ADCYAP1R1: variants seen among roughly 807,000 people sequenced by gnomAD.
ADCYAP1R1 encodes ADCYAP receptor type I.
In ADCYAP1R1, 44 loss-of-function variants were observed where a neutral mutation model predicts 67.6. The observed-to-expected ratio is 0.65, with a 90% CI of 0.51 to 0.84. ADCYAP1R1 has a LOEUF of 0.84. Among genes scored for constraint, ADCYAP1R1 ranks in the 40% least tolerant of loss-of-function variants. The pLI is 0.00. For missense variants in ADCYAP1R1, 477 were observed against 587.9 expected (o/e 0.81, Z 1.95); for synonymous variants, 222 against 219.6 (o/e 1.01, Z -0.10).
At chr7:31,090,039 C>T (rs1795900976) in intron 12 of ADCYAP1R1, among the ~76,000 whole-genome samples, 1 of 151,694 alleles carries the variant, frequency 6.6e-6, no homozygotes, top group African/African-American at 2.4e-5. Flanking sequence ...TGAAGGTTTT[C>T]TTTTTTTTAT....
At chr7:31,059,176 C>T (rs1195119898) in intron 1 of ADCYAP1R1, among the ~76,000 whole-genome samples, 1 of 152,160 alleles carries the variant, frequency 6.6e-6, no homozygotes, top group African/African-American at 2.4e-5. Flanking sequence ...ATAGTTAACA[C>T]ATGTATAGCC....
chr7:31,058,415 G>A (rs1462875660), intron 1 of ADCYAP1R1, among the ~76,000 whole-genome samples: 1 of 152,186 alleles, frequency 6.6e-6, no homozygotes, highest in Non-Finnish European at 1.5e-5. Flanking sequence ...CTCCAGGTTC[G>A]GTGGCTGGGC....
At chr7:31,060,011 G>A (rs1794428384) in intron 1 of ADCYAP1R1, among the ~76,000 whole-genome samples, 1 of 151,756 alleles carries the variant, frequency 6.6e-6, no homozygotes, top group Non-Finnish European at 1.5e-5. Context: ...TCCAGAAGAG[G>A]CACCCTATTG....
chr7:31,094,259 G>A (rs1796092437), intron 13 of ADCYAP1R1, among the ~76,000 whole-genome samples: 1 of 152,102 alleles, frequency 6.6e-6, no homozygotes, highest in South Asian at 2.1e-4. Flanking sequence ...GCCCTGCCCT[G>A]TGGGGTGGGG....
chr7:31,063,367 G>A (rs922458179), intron 2 of ADCYAP1R1, 52 bp downstream of exon 2: 5 of 1,600,620 alleles, frequency 3.1e-6, no homozygotes, highest in South Asian at 2.2e-5. Context: ...CTGAGTCCCC[G>A]CTCCAGAGAA....
At chr7:31,090,700 T>G (rs1464736562) in intron 12 of ADCYAP1R1, among the ~76,000 whole-genome samples, 2 of 152,242 alleles carry the variant, frequency 1.3e-5, no homozygotes, top group South Asian at 2.1e-4. Flanking sequence ...GTTAATTCAC[T>G]TAGGATAATG....
chr7:31,105,056 C>G (rs1478984039), intron 15 of ADCYAP1R1, 147 bp downstream of exon 15: 1 of 825,632 alleles, frequency 1.2e-6, no homozygotes, highest in African/African-American at 1.7e-5. Flanking sequence ...GCTGGTCATA[C>G]AGCTCCTGGC....
chr7:31,105,672 C>T (rs1198472163), intron 15 of ADCYAP1R1, among the ~76,000 whole-genome samples: 4 of 152,190 alleles, frequency 2.6e-5, no homozygotes, highest in Admixed American at 2.6e-4. Flanking sequence ...AGAGATTGGG[C>T]TCTGTGATCG....
intron 1 of ADCYAP1R1, among the ~76,000 whole-genome samples, chr7:31,061,844 G>T (rs1386292365): frequency 1.3e-5 from 2 of 152,184 alleles, no homozygotes; most frequent in Non-Finnish European, 2.9e-5. Context: ...GTGGGGGGGT[G>T]TGCGAAGACT....
chr7:31,063,294 T>C lies in ADCYAP1R1; in HGVS notation c.30T>C (p.Ala10=). 7.4e-6 allele frequency: 12 copies of C among 1,614,194 alleles called. No individual in the cohort carries two copies. The highest frequency in any genetic ancestry group is 1.0e-5 in the Non-Finnish European group (12 of 1,180,010). The change falls in exon 2 of 16, where the codon GCT becomes GCC. Residue 10 remains alanine, a synonymous_variant. Transcript: ENST00000304166. The part of the protein sequence containing the change: MAGVVHVSL[A]ALLLLPMAPA... The stretch of plus-strand genomic sequence containing the variant: ...CTGGTGTCGTGCACGTTTCCCTGGC[T>C]GCTCTCCTCCTGCTGCCTATGGTAA...
At chr7:31,056,013 G>T (rs566080147) in intron 1 of ADCYAP1R1, among the ~76,000 whole-genome samples, 1 of 152,196 alleles carries the variant, frequency 6.6e-6, no homozygotes, top group Non-Finnish European at 1.5e-5. Flanking sequence ...CAGTTCCTGA[G>T]CCCCCTTCAC....
intron 1 of ADCYAP1R1, among the ~76,000 whole-genome samples, chr7:31,061,956 C>A (rs1480347731): frequency 6.6e-6 from 1 of 152,162 alleles, no homozygotes; most frequent in African/African-American, 2.4e-5. Flanking sequence ...TACTCAATCT[C>A]TTTTATAATA....
chr7:31,092,777 C>A, intron 13 of ADCYAP1R1, 42 bp downstream of exon 13: 1 of 1,485,020 alleles, frequency 6.7e-7, no homozygotes. Context: ...TTCTGACAGC[C>A]GAGCGGGCCC....
At position 31,109,413 on chromosome 7, in the gene ADCYAP1R1, C is replaced by T. The variant is rs1187657872; in HGVS notation, c.*2729C>T. 1 of 152,194 alleles carries T rather than the reference C, an allele frequency of 6.6e-6. No homozygotes were observed. The highest frequency in any genetic ancestry group is 2.4e-5 in the African/African-American group (1 of 41,440). 9.4% of individuals were successfully genotyped at this position (152,194 alleles called of 1,614,324 possible). On this transcript the variant is annotated 3_prime_UTR_variant, in exon 16 of 16. Transcript: ENST00000304166. ...TATATAGCCCAATGCATCTCTGGAACTCTGTCTAAACACCAGCCATCTACT... is the reference window on the plus strand; with the variant it reads ...TATATAGCCCAATGCATCTCTGGAATTCTGTCTAAACACCAGCCATCTACT...
At chr7:31,100,342 C>G in intron 13 of ADCYAP1R1, 1 of 556,000 alleles carries the variant, frequency 1.8e-6, no homozygotes, top group South Asian at 1.7e-5. Context: ...CCGGCTGTTG[C>G]ATGTTGGTGT....
In ADCYAP1R1 at chr7:31,063,194, C is replaced by G. The variant is rs1794581754; in HGVS notation, c.-71C>G. Reference sequence around the variant, plus strand: ...ATTCACACCTTTCCTTCCTCTCTAGCCCAGAGACACATTGGGGCTGACCTG... The same window carrying G: ...ATTCACACCTTTCCTTCCTCTCTAGGCCAGAGACACATTGGGGCTGACCTG... On this transcript the variant is annotated splice_region_variant and 5_prime_UTR_variant, in exon 2 of 16. Coordinates refer to ENST00000304166, the MANE Select transcript of ADCYAP1R1 (RefSeq NM_001118.5). 2.5e-6 allele frequency: 4 copies of G among 1,588,922 alleles called. No individual in the cohort carries two copies. Among genetic ancestry groups the G allele is most frequent in the Non-Finnish European group, 3.5e-6 (4 of 1,157,514 alleles).
chr7:31,065,009 C>T (rs928450194), intron 3 of ADCYAP1R1, 73 bp downstream of exon 3: 36 of 1,202,762 alleles, frequency 3.0e-5, no homozygotes, highest in South Asian at 7.3e-5. Flanking sequence ...TGCTCAGGCT[C>T]GGCCAGTGAG....
At position 31,103,216 on chromosome 7, in the gene ADCYAP1R1, TGTTTTGCTTTC is replaced by T; in HGVS notation, c.1047-20_1047-10del. ...GAGCCCTGGAAGTCCCCAGAGCAGA[TGTTTTGCTTTC>T]CTCCGACAGGCGACTGGCCCGGTCC... On this transcript the variant is annotated splice_polypyrimidine_tract_variant and intron_variant, in intron 13 of 15. Coordinates refer to ENST00000304166, the MANE Select transcript of ADCYAP1R1 (RefSeq NM_001118.5). The T allele has an allele frequency of 6.2e-7, 1 of 1,613,146 alleles. No homozygotes were observed. The highest frequency in any genetic ancestry group is 8.5e-7 in the Non-Finnish European group (1 of 1,179,432).
chr7:31,078,568 C>T (rs967140603), intron 4 of ADCYAP1R1, among the ~76,000 whole-genome samples: 9 of 152,220 alleles, frequency 5.9e-5, no homozygotes, highest in Admixed American at 2.0e-4. Context: ...TGGAGAGAGA[C>T]GCACATGTAG....
Sources: allele counts gnomAD v4.1 joint callset (sites outside exome capture counted in the v4.1 genomes callset), GRCh38; gene constraint gnomAD v4.1.1; transcripts MANE v1.5; gene names NCBI Gene and HGNC (gene_info 2026-07-23, HGNC 2026-07-21).